The following GRIN2C variants were observed in gnomAD, a reference collection of about 807,000 sequenced individuals.
The protein encoded by GRIN2C is glutamate receptor ionotropic, NMDA 2C.
A neutral mutation model predicts 77.7 loss-of-function variants in GRIN2C; 64 were observed. That is an observed-to-expected ratio of 0.82 (90% confidence interval 0.67 to 1.01). The LOEUF (loss-of-function observed/expected upper bound fraction) is 1.01, where lower values mean the gene tolerates loss of function less well. Among genes scored for constraint, GRIN2C ranks in the 50% least tolerant of loss-of-function variants. The pLI is 0.00. For synonymous variants in GRIN2C, 792 were observed against 643.4 expected (o/e 1.23, Z -3.49); for missense variants, 1,549 against 1,486.0 (o/e 1.04, Z -0.70).
rs1211195356 is a variant in GRIN2C at position 74,842,784 on chromosome 17, G to C, written c.3353C>G (p.Ala1118Gly). 1 of 647,666 alleles carries C rather than the reference G, an allele frequency of 1.5e-6. No individual in the cohort carries two copies. 40.1% of individuals were successfully genotyped at this position (647,666 alleles called of 1,614,324 possible). Residue 1118 changes from alanine to glycine, a missense_variant, in exon 13 of 13, where the codon GCG becomes GGG. Around this residue, in one of 3 missense-constraint regions of GRIN2C, gnomAD observed 450 missense variants for 267.9 expected, o/e 1.68. Coordinates refer to ENST00000293190, the MANE Select transcript of GRIN2C (RefSeq NM_000835.6). ...CGGCAAGCACATCGACTGCGCCTGC[G>C]CCAAGCGCCTGCAGGCCGAGTGGCC... ...PDGHSACRRL[A>G]QAQSMCLPIY...
intron 1 of GRIN2C, among the ~76,000 whole-genome samples, chr17:74,858,140 T>C (rs2037864123): frequency 6.6e-6 from 1 of 152,112 alleles, no homozygotes. Context: ...TATTTCTCTT[T>C]CCAACTCCCT....
Position 74,859,034 on chromosome 17 carries a change from G to C in GRIN2C, c.-16+710C>G, listed in dbSNP as rs1286138646. Among the ~76,000 whole-genome samples the C allele has an allele frequency of 1.1e-4, 17 of 152,040 alleles. No homozygotes were observed. Among genetic ancestry groups the C allele is most frequent in the East Asian group, 5.9e-4 (3 of 5,104 alleles). On this transcript the variant is annotated intron_variant, in intron 1 of 12. Transcript: ENST00000293190. This position sits in a 1 kb window ranked among gnomAD's most constrained non-coding sequence, Gnocchi z 5.9. ...TGCCCTGGCTTCCCCTCCTGGGTGG[G>C]GAGCTCTGTGTAGTGGTCCCCTCCA...
chr17:74,855,088 C>A lies in GRIN2C; in HGVS notation c.5G>T (p.Gly2Val). 1 of 1,582,938 alleles carries A rather than the reference C, an allele frequency of 6.3e-7. No individual in the cohort carries two copies. M[G>V]GALGPALLLT... ...CAACAGGGCCGGCCCCAGGGCCCCA[C>A]CCATGTCCACCGGAGGGTCCTGCGG... is the stretch of plus-strand genomic sequence containing the variant. Residue 2 changes from glycine to valine, a missense_variant, in exon 2 of 13, where the codon GGT becomes GTT. Around this residue, in one of 3 missense-constraint regions of GRIN2C, gnomAD observed 382 missense variants for 360.0 expected, o/e 1.06. Coordinates refer to ENST00000293190, the MANE Select transcript of GRIN2C (RefSeq NM_000835.6).
Position 74,849,703 on chromosome 17 carries a change from T to A in GRIN2C, c.1645+77A>T, listed in dbSNP as rs2144581374. The A allele has an allele frequency of 8.1e-5, 104 of 1,291,014 alleles. No homozygotes were observed. The highest frequency in any genetic ancestry group is 1.0e-4 in the Non-Finnish European group (94 of 932,604). 80.0% of individuals were successfully genotyped at this position (1,291,014 alleles called of 1,614,324 possible). Reference sequence around the variant, plus strand: ...CTGTGAGAGCCCACCCAACTCCCCATCCCCACCCAAGCTGTACACACCCTC... The same window carrying A: ...CTGTGAGAGCCCACCCAACTCCCCAACCCCACCCAAGCTGTACACACCCTC... On this transcript the variant is annotated intron_variant, in intron 7 of 12. Coordinates refer to ENST00000293190, the MANE Select transcript of GRIN2C (RefSeq NM_000835.6). This position sits in a 1 kb window ranked among gnomAD's most constrained non-coding sequence, Gnocchi z 4.6.
At position 74,842,805 on chromosome 17, in the gene GRIN2C, TG is replaced by T; in HGVS notation, c.3331del (p.His1111ThrfsTer100). ...TGPACARPDG[H>X]SACRRLAQAQ... ...CTGCGCCAAGCGCCTGCAGGCCGAG[TG>T]GCCGTCGGGGCGGGCGCAGGCGGGG... On this transcript the variant is annotated frameshift_variant, in exon 13 of 13. Transcript: ENST00000293190. LOFTEE classifies it low-confidence loss of function (END_TRUNC). 1.7e-6 allele frequency: 1 copy of T among 575,132 alleles called. No homozygotes were observed. The highest frequency in any genetic ancestry group is 3.1e-6 in the Non-Finnish European group (1 of 324,904). 35.6% of individuals were successfully genotyped at this position (575,132 alleles called of 1,614,324 possible).
In GRIN2C at chr17:74,855,037, GC is replaced by G; in HGVS notation, c.55del (p.Ala19GlnfsTer12). The G allele has an allele frequency of 6.3e-7, 1 of 1,599,934 alleles. No homozygotes were observed. On this transcript the variant is annotated frameshift_variant, in exon 2 of 13. Transcript: ENST00000293190. LOFTEE classifies it high-confidence loss of function. The part of the protein sequence containing the change: ...LLLTSLFGAW[A>X]GLGPGQGEQG... The stretch of plus-strand genomic sequence containing the variant: ...CTCGCCCTGCCCCGGACCCAGCCCT[GC>G]CCAGGCACCGAAGAGCGAGGTGAGC...
intron 2 of GRIN2C, chr17:74,853,373 G>C (rs1335923019): frequency 6.6e-6 from 1 of 152,236 alleles, no homozygotes; most frequent in Non-Finnish European, 1.5e-5. Flanking sequence ...CAGAGGTTGA[G>C]AGAAACTCAG....
chr17:74,842,225 T>C lies in GRIN2C; in HGVS notation c.*210A>G, dbSNP rs2037305356. The stretch of plus-strand genomic sequence containing the variant: ...ACAGCACACCCTCCTGGCAGAACTC[T>C]GCGTGAGAAGAGGACAGCAAAAGCC... On this transcript the variant is annotated 3_prime_UTR_variant, in exon 13 of 13. Coordinates refer to ENST00000293190, the MANE Select transcript of GRIN2C (RefSeq NM_000835.6). 2.0e-6 allele frequency: 1 copy of C among 511,562 alleles called. No homozygotes were observed. The highest frequency in any genetic ancestry group is 2.0e-5 in the African/African-American group (1 of 50,076). The allele number at this position is 511,562 out of a possible 1,614,324, so 31.7% of individuals were successfully genotyped here. A position where few individuals can be genotyped will look rare whatever the true frequency, so the allele number is the denominator to read the frequency against.
Position 74,842,812 on chromosome 17 carries a change from CG to C in GRIN2C, c.3324del (p.Asp1109ThrfsTer102). 1.8e-6 allele frequency: 1 copy of C among 554,132 alleles called. No individual in the cohort carries two copies. The highest frequency in any genetic ancestry group is 3.2e-6 in the Non-Finnish European group (1 of 313,534). 34.3% of individuals were successfully genotyped at this position (554,132 alleles called of 1,614,324 possible). A position where few individuals can be genotyped will look rare whatever the true frequency, so the allele number is the denominator to read the frequency against. On this transcript the variant is annotated frameshift_variant, in exon 13 of 13. Transcript: ENST00000293190. LOFTEE classifies it low-confidence loss of function (END_TRUNC). ...AGCTGPACAR[P>X]DGHSACRRLA... ...AAGCGCCTGCAGGCCGAGTGGCCGT[CG>C]GGGCGGGCGCAGGCGGGGCCGGTGC...
Position 74,846,128 on chromosome 17 carries a change from A to C in GRIN2C, c.2288T>G (p.Met763Arg). 7 of 1,614,196 alleles carry C rather than the reference A, an allele frequency of 4.3e-6. No homozygotes were observed. The highest frequency in any genetic ancestry group is 5.9e-6 in the Non-Finnish European group (7 of 1,180,022). ...CCGCTTCCAGTGGGAGTCCTTCTGC[A>C]TGGCGATGCCGTAGCCAGTGGTAGC... is the stretch of plus-strand genomic sequence containing the variant. ...VFATTGYGIA[M>R]QKDSHWKRAI... Residue 763 changes from methionine to arginine, a missense_variant, in exon 11 of 13, where the codon ATG becomes AGG. Physicochemically the swap from Met to Arg is moderately conservative, Grantham distance 91. Around this residue, in one of 3 missense-constraint regions of GRIN2C, gnomAD observed 717 missense variants for 858.1 expected, o/e 0.84. Transcript: ENST00000293190. The surrounding 1 kb of genome is among the most constrained non-coding windows in gnomAD (Gnocchi z 4.4).
chr17:74,852,287 G>A lies in GRIN2C; in HGVS notation c.724C>T (p.Gln242Ter). 7.0e-7 allele frequency: 1 copy of A among 1,422,980 alleles called. No homozygotes were observed. The allele number at this position is 1,422,980 out of a possible 1,614,324, so 88.1% of individuals were successfully genotyped here. A position where few individuals can be genotyped will look rare whatever the true frequency, so the allele number is the denominator to read the frequency against. Residue 242 changes from glutamine (Q) to a stop codon, truncating the protein, a stop_gained, in exon 3 of 13, where the codon CAG (glutamine) becomes TAG (stop). Coordinates refer to ENST00000293190, the MANE Select transcript of GRIN2C (RefSeq NM_000835.6). LOFTEE classifies it high-confidence loss of function. ...TGGCCGGGCCCCACCAGACCGGCCTGCGCCGCCTCGGCGAAGAGCACCTCG... is the reference window on the plus strand; with the variant it reads ...TGGCCGGGCCCCACCAGACCGGCCTACGCCGCCTCGGCGAAGAGCACCTCG... The part of the protein sequence containing the change: ...EAEVLFAEAA[Q>*]AGLVGPGHVW...
chr17:74,847,934 G>A lies in GRIN2C; in HGVS notation c.1689C>T (p.Cys563=), dbSNP rs904995077. ...AGACGGTGATGGCCACCACAGTGAG[G>A]CACATGACAAACATCATCACCCACA... ...PAVWVMMFVM[C]LTVVAITVFM... The change falls in exon 8 of 13, where the codon TGC becomes TGT. Residue 563 remains cysteine, a synonymous_variant. Transcript: ENST00000293190. This position sits in a 1 kb window ranked among gnomAD's most constrained non-coding sequence, Gnocchi z 5.2. The A allele has an allele frequency of 2.5e-6, 4 of 1,614,016 alleles. No individual in the cohort carries two copies. The highest frequency in any genetic ancestry group is 1.1e-5 in the South Asian group (1 of 91,082).
rs747365421 is a variant in GRIN2C at position 74,846,305 on chromosome 17, C to G, written c.2163-52G>C. On this transcript the variant is annotated intron_variant, in intron 10 of 12. Coordinates refer to ENST00000293190, the MANE Select transcript of GRIN2C (RefSeq NM_000835.6). This position sits in a 1 kb window ranked among gnomAD's most constrained non-coding sequence, Gnocchi z 4.4. ...AGGGACCATATGGGAGGGGAGGGGA[C>G]ACCGAAACTGGGGCGTGACAGGGGT... The G allele has an allele frequency of 6.5e-7, 1 of 1,531,948 alleles. No homozygotes were observed. The allele number at this position is 1,531,948 out of a possible 1,614,324, so 94.9% of individuals were successfully genotyped here. A position where few individuals can be genotyped will look rare whatever the true frequency, so the allele number is the denominator to read the frequency against.
intron 7 of GRIN2C, among the ~76,000 whole-genome samples, chr17:74,848,456 G>A (rs1413916723): frequency 2.0e-5 from 3 of 152,232 alleles, no homozygotes; most frequent in Non-Finnish European, 4.4e-5. Context: ...GCTCTCGCCT[G>A]TAATCCCAGC....
Position 74,847,258 on chromosome 17 carries a change from TCCCCACCCTCAGTGC to T in GRIN2C, c.2001+35_2001+49del. 1.1e-6 allele frequency: 1 copy of T among 925,874 alleles called. No homozygotes were observed. The highest frequency in any genetic ancestry group is 1.7e-5 in the African/African-American group (1 of 59,774). 57.4% of individuals were successfully genotyped at this position (925,874 alleles called of 1,614,324 possible). Reference sequence around the variant, plus strand: ...CCAGGGCCTGCCCACTCACGGCCTGTCCCCACCCTCAGTGCCCCCCCCCACCCCCAGCAGCTATGG... The same window carrying T: ...CCAGGGCCTGCCCACTCACGGCCTGTCCCCCCCCACCCCCAGCAGCTATGG... On this transcript the variant is annotated intron_variant, in intron 9 of 12. Coordinates refer to ENST00000293190, the MANE Select transcript of GRIN2C (RefSeq NM_000835.6). The surrounding 1 kb of genome is among the most constrained non-coding windows in gnomAD (Gnocchi z 5.2).
upstream of GRIN2C, chr17:74,861,452 C>T (rs1186842498): frequency 1.4e-4 from 21 of 151,968 alleles, no homozygotes; most frequent in Non-Finnish European, 2.4e-4. Context: ...GCTGCGCCCG[C>T]GACGAGAGCC....
Position 74,854,888 on chromosome 17 carries a change from C to A in GRIN2C, c.205G>T (p.Val69Phe). The A allele has an allele frequency of 6.2e-7, 1 of 1,613,404 alleles. No homozygotes were observed. Among genetic ancestry groups the A allele is most frequent in the Non-Finnish European group, 8.5e-7 (1 of 1,179,574 alleles). Residue 69 changes from valine to phenylalanine, a missense_variant, in exon 2 of 13, where the codon GTC becomes TTC. Around this residue, in one of 3 missense-constraint regions of GRIN2C, gnomAD observed 382 missense variants for 360.0 expected, o/e 1.06. Transcript: ENST00000293190. ...AGGCTGCTGGGGTTGGTGGTGTTGA[C>A]CCCAACTGTGAGCGGCTGGATCTCC... ...PLEIQPLTVG[V>F]NTTNPSSLLT...
intron 2 of GRIN2C, 62 bp downstream of exon 2, chr17:74,854,632 A>G (rs1598493046): frequency 6.9e-7 from 1 of 1,439,254 alleles, no homozygotes; most frequent in East Asian, 2.3e-5. Context: ...GAACCAAAGC[A>G]CCCCCGACCC....
Position 74,852,350 on chromosome 17 carries a change from C to G in GRIN2C, c.661G>C (p.Ala221Pro). 1 of 1,455,144 alleles carries G rather than the reference C, an allele frequency of 6.9e-7. No homozygotes were observed. The highest frequency in any genetic ancestry group is 1.5e-5 in the African/African-American group (1 of 67,198). 90.1% of individuals were successfully genotyped at this position (1,455,144 alleles called of 1,614,324 possible). A position where few individuals can be genotyped will look rare whatever the true frequency, so the allele number is the denominator to read the frequency against. The change falls in exon 3 of 13, where the codon GCG becomes CCG. Residue 221 changes from alanine (A) to proline (P), a missense_variant. Ala to Pro is a conservative substitution (Grantham distance 27, BLOSUM62 -1). This residue lies in a region of GRIN2C where 382 missense variants were observed against 360.0 expected (regional missense o/e 1.06). Coordinates refer to ENST00000293190, the MANE Select transcript of GRIN2C (RefSeq NM_000835.6). Reference sequence around the variant, plus strand: ...GAGCAGTAGGCCACAAACACGGGCGCGTCGAGCTGGCGCAGCAGGCGCTGC... The same window carrying G: ...GAGCAGTAGGCCACAAACACGGGCGGGTCGAGCTGGCGCAGCAGGCGCTGC... The part of the protein sequence containing the change: ...RTQRLLRQLD[A>P]PVFVAYCSRE...
Sources: allele counts gnomAD v4.1 joint callset (sites outside exome capture counted in the v4.1 genomes callset), GRCh38; gene constraint gnomAD v4.1.1; regional missense constraint gnomAD v4.1.1; non-coding constraint Gnocchi (gnomAD v3.1); transcripts MANE v1.5; gene names NCBI Gene and HGNC (gene_info 2026-07-23, HGNC 2026-07-21).